SNX30: variants seen among roughly 807,000 people sequenced by gnomAD.
SNX30 encodes sorting nexin family member 30.
Under a neutral mutation model 46.4 loss-of-function variants are expected in SNX30, and 24 were observed. The observed-to-expected ratio is 0.52, with a 90% CI of 0.37 to 0.73. The LOEUF (loss-of-function observed/expected upper bound fraction) is 0.73. Ranked by LOEUF, SNX30 falls within the 30% of genes least tolerant of loss-of-function variation. SNX30 has a pLI of 0.00. For missense variants in SNX30, 533 were observed against 555.7 expected (o/e 0.96, Z 0.41); for synonymous variants, 189 against 211.5 (o/e 0.89, Z 0.92).
intron 2 of SNX30, among the ~76,000 whole-genome samples, chr9:112,814,442 T>G (rs911554974): frequency 2.6e-5 from 4 of 152,126 alleles, no homozygotes; most frequent in African/African-American, 9.7e-5. Flanking sequence ...GGTTTTGCCA[T>G]GTTGCTCAGG....
intron 8 of SNX30, chr9:112,866,456 C>T (rs529100168): frequency 1.1e-4 from 53 of 470,690 alleles, no homozygotes; most frequent in South Asian, 7.7e-4. Context: ...ACTGGTATGG[C>T]CTTGGTTTAT....
rs908942897 is a variant in SNX30 at position 112,869,796 on chromosome 9, A to G, written c.*953A>G. Reference sequence around the variant, plus strand: ...TGTCAGCTTTGTGCAATTTGCCTTTACCTCACCAAAAATACCTACTTTAAT... The same window carrying G: ...TGTCAGCTTTGTGCAATTTGCCTTTGCCTCACCAAAAATACCTACTTTAAT... On this transcript the variant is annotated 3_prime_UTR_variant, in exon 9 of 9. Coordinates refer to ENST00000374232, the MANE Select transcript of SNX30 (RefSeq NM_001012994.2). 6.6e-6 allele frequency: 1 copy of G among 152,022 alleles called. No homozygotes were observed. Among genetic ancestry groups the G allele is most frequent in the Admixed American group, 6.6e-5 (1 of 15,266 alleles). The allele number at this position is 152,022 out of a possible 1,614,324, so 9.4% of individuals were successfully genotyped here. A position where few individuals can be genotyped will look rare whatever the true frequency, so the allele number is the denominator to read the frequency against.
chr9:112,851,244 A>C (rs1841020655), intron 7 of SNX30, among the ~76,000 whole-genome samples: 1 of 152,244 alleles, frequency 6.6e-6, no homozygotes, highest in African/African-American at 2.4e-5. Context: ...GAAGGAAAGA[A>C]TAGCCTAAAT....
At chr9:112,808,999 A>T (rs776858849) in intron 2 of SNX30, among the ~76,000 whole-genome samples, 3 of 152,234 alleles carry the variant, frequency 2.0e-5, no homozygotes, top group Non-Finnish European at 2.9e-5. Flanking sequence ...CATGCAACTC[A>T]TGGGTGGTGG....
chr9:112,816,840 A>G (rs1225062496), intron 2 of SNX30, among the ~76,000 whole-genome samples: 1 of 152,204 alleles, frequency 6.6e-6, no homozygotes, highest in African/African-American at 2.4e-5. Flanking sequence ...ATAGGGAAAA[A>G]TGGCTTATGT....
At chr9:112,775,548 G>T (rs887566661) in intron 1 of SNX30, among the ~76,000 whole-genome samples, 17 of 79,078 alleles carry the variant, frequency 2.1e-4, no homozygotes, top group Admixed American at 4.3e-4. Context: ...AAATTTGTGT[G>T]TGTGTGTGTG....
At chr9:112,763,102 G>C (rs972870700) in intron 1 of SNX30, among the ~76,000 whole-genome samples, 1 of 152,130 alleles carries the variant, frequency 6.6e-6, no homozygotes, top group African/African-American at 2.4e-5. Context: ...AGTGGGCACT[G>C]AAGTGTGATC....
intron 1 of SNX30, among the ~76,000 whole-genome samples, chr9:112,797,423 C>G (rs2131396426): frequency 6.6e-6 from 1 of 151,976 alleles, no homozygotes; most frequent in Admixed American, 6.5e-5. Context: ...TCAGCTTGGG[C>G]ATCTTGTATC....
intron 1 of SNX30, among the ~76,000 whole-genome samples, chr9:112,782,599 T>C (rs965936068): frequency 6.6e-6 from 1 of 152,264 alleles, no homozygotes; most frequent in Non-Finnish European, 1.5e-5. Flanking sequence ...AACTATTTTC[T>C]AAATAGTTAA....
intron 6 of SNX30, among the ~76,000 whole-genome samples, chr9:112,841,147 T>C (rs546043910): frequency 1.3e-5 from 2 of 152,362 alleles, no homozygotes; most frequent in African/African-American, 4.8e-5. Flanking sequence ...CTTCATCAAA[T>C]ATTCTCTTAA....
chr9:112,846,160 G>A (rs1840937724), intron 6 of SNX30, among the ~76,000 whole-genome samples: 1 of 152,152 alleles, frequency 6.6e-6, no homozygotes, highest in Admixed American at 6.5e-5. Flanking sequence ...ATGAAAATTA[G>A]AGGATTAGAC....
intron 1 of SNX30, among the ~76,000 whole-genome samples, chr9:112,777,004 C>T (rs1006087626): frequency 7.2e-5 from 11 of 152,206 alleles, no homozygotes; most frequent in Admixed American, 5.9e-4. Flanking sequence ...TTCTCAGTCT[C>T]TGTGGTCTCT....
intron 6 of SNX30, among the ~76,000 whole-genome samples, chr9:112,843,274 A>G (rs1840885984): frequency 6.6e-6 from 1 of 152,218 alleles, no homozygotes; most frequent in African/African-American, 2.4e-5. Flanking sequence ...ATGATTGCAC[A>G]TTGTACATCT....
At chr9:112,808,647 C>G (rs1840268719) in intron 2 of SNX30, among the ~76,000 whole-genome samples, 2 of 152,188 alleles carry the variant, frequency 1.3e-5, no homozygotes, top group South Asian at 4.1e-4. Context: ...AGCTAAAACA[C>G]TAAAGAATGC....
intron 1 of SNX30, among the ~76,000 whole-genome samples, chr9:112,780,594 A>T (rs1455794724): frequency 6.6e-6 from 1 of 152,108 alleles, no homozygotes; most frequent in Non-Finnish European, 1.5e-5. Context: ...TGCTTTCTCT[A>T]TGTGGGCTCC....
chr9:112,840,742 G>C (rs574168361), intron 6 of SNX30, among the ~76,000 whole-genome samples: 1 of 151,092 alleles, frequency 6.6e-6, no homozygotes, highest in African/African-American at 2.4e-5. Context: ...GCCTCCCAAA[G>C]TGCTGGGATT....
At chr9:112,775,468 T>G (rs1050339888) in intron 1 of SNX30, among the ~76,000 whole-genome samples, 29 of 152,038 alleles carry the variant, frequency 1.9e-4, no homozygotes, top group African/African-American at 6.8e-4. Context: ...TTATATATTC[T>G]TATCAGGAGT....
intron 2 of SNX30, among the ~76,000 whole-genome samples, chr9:112,817,141 GC>G (rs1459020414): frequency 1.3e-5 from 2 of 151,970 alleles, no homozygotes; most frequent in Non-Finnish European, 2.9e-5. Context: ...CATCTAATCT[GC>G]CCCCGAAATG....
intron 1 of SNX30, among the ~76,000 whole-genome samples, chr9:112,795,556 T>A (rs541054246): frequency 5.3e-5 from 8 of 152,214 alleles, no homozygotes; most frequent in African/African-American, 1.9e-4. Flanking sequence ...AAGGTCTGAT[T>A]GACTGACTCT....
Sources: gnomAD v4.1 joint callset for allele counts (sites outside exome capture counted in the v4.1 genomes callset) on GRCh38, gnomAD v4.1.1 for gene constraint, MANE v1.5 for transcripts, NCBI Gene and HGNC (gene_info 2026-07-23, HGNC 2026-07-21) for gene names.